USH2A: variants seen among roughly 807,000 people sequenced by gnomAD.
USH2A encodes usherin, also known as Usher syndrome 2A (autosomal recessive, mild).
In USH2A, 443 loss-of-function variants were observed where a neutral mutation model predicts 538.9. The observed-to-expected ratio is 0.82, with a 90% CI of 0.76 to 0.89. The LOEUF is 0.89. Among genes scored for constraint, USH2A ranks in the 40% least tolerant of loss-of-function variants. The pLI, the probability that USH2A is intolerant of heterozygous loss-of-function variation, is 0.00. For missense variants in USH2A, 6,633 were observed against 6,324.8 expected (o/e 1.05, Z -1.65); for synonymous variants, 2,413 against 2,273.5 (o/e 1.06, Z -1.75).
intron 13 of USH2A, among the ~76,000 whole-genome samples, chr1:216,237,511 A>G (rs564971339): frequency 2.4e-4 from 36 of 151,580 alleles, no homozygotes; most frequent in East Asian, 1.4e-3. Context: ...AAAAAAAAAA[A>G]AAAGAAAGAA....
At chr1:215,746,278 T>C (rs542058446) in intron 58 of USH2A, among the ~76,000 whole-genome samples, 19 of 152,266 alleles carry the variant, frequency 1.2e-4, no homozygotes, top group African/African-American at 4.6e-4. Flanking sequence ...TGTGTGTGTG[T>C]GCCCTGTAAC....
chr1:216,101,862 A>T (rs958838591), intron 21 of USH2A, among the ~76,000 whole-genome samples: 2 of 152,248 alleles, frequency 1.3e-5, no homozygotes, highest in African/African-American at 2.4e-5. Context: ...TGTGTAAAAT[A>T]AACTTACATC....
chr1:216,309,912 A>G (rs2037388446), intron 9 of USH2A, among the ~76,000 whole-genome samples: 1 of 152,110 alleles, frequency 6.6e-6, no homozygotes, highest in Non-Finnish European at 1.5e-5. Flanking sequence ...GTTCTGATAT[A>G]TAATTATTTT....
chr1:215,900,864 G>A lies in USH2A; in HGVS notation c.7342C>T (p.Pro2448Ser). The A allele has an allele frequency of 6.2e-7, 1 of 1,613,722 alleles. No homozygotes were observed. Among genetic ancestry groups the A allele is most frequent in the Non-Finnish European group, 8.5e-7 (1 of 1,179,760 alleles). The change falls in exon 39 of 72, where the codon CCA (proline) becomes TCA (serine). Residue 2448 changes from proline (P) to serine (S), a missense_variant. By Grantham distance (74) the Pro-to-Ser change is moderately conservative. Transcript: ENST00000307340. ...VLPPRLSSAT[P>S]TSLQVVWSTP... ...GACCAGACAACCTGAAGACTGGTTGGAGTGGCAGATGAAAGCCTGGGAGGC... is the reference window on the plus strand; with the variant it reads ...GACCAGACAACCTGAAGACTGGTTGAAGTGGCAGATGAAAGCCTGGGAGGC...
At chr1:216,119,986 G>GC (rs1553303882) in intron 21 of USH2A, among the ~76,000 whole-genome samples, 1 of 149,864 alleles carries the variant, frequency 6.7e-6, no homozygotes, top group African/African-American at 2.4e-5. Flanking sequence ...ATATTCACTT[G>GC]TTTTTTTTTA....
chr1:215,870,681 T>C (rs1398072458), intron 43 of USH2A, among the ~76,000 whole-genome samples: 1 of 152,118 alleles, frequency 6.6e-6, no homozygotes, highest in Non-Finnish European at 1.5e-5. Context: ...TTAGTAAGAA[T>C]ATATACCTAT....
rs1183056121 is a variant in USH2A at position 215,675,471 on chromosome 1, G to A, written c.12440C>T (p.Pro4147Leu). 1 of 1,614,106 alleles carries A rather than the reference G, an allele frequency of 6.2e-7. No homozygotes were observed. The highest frequency in any genetic ancestry group is 8.5e-7 in the Non-Finnish European group (1 of 1,180,000). The part of the protein sequence containing the change: ...RAGCAHSAPQ[P>L]LWTDEAPPDS... The stretch of plus-strand genomic sequence containing the variant: ...TGGAGGGGCTTCATCTGTCCACAGA[G>A]GCTGAGGCGCCGAGTGTGCACAACC... Residue 4147 changes from proline to leucine, a missense_variant, in exon 63 of 72, where the codon CCT (proline) becomes CTT (leucine). Pro to Leu is a moderately conservative substitution (Grantham distance 98). Coordinates refer to ENST00000307340, the MANE Select transcript of USH2A (RefSeq NM_206933.4).
At chr1:216,201,952 A>G in intron 16 of USH2A, 1 of 152,756 alleles carries the variant, frequency 6.5e-6, no homozygotes, top group Admixed American at 6.5e-5. Flanking sequence ...AAAGTCCCCT[A>G]GGGCTGAGAT....
intron 21 of USH2A, among the ~76,000 whole-genome samples, chr1:216,159,711 TAA>T (rs970295410): frequency 6.6e-6 from 1 of 152,154 alleles, no homozygotes; most frequent in African/African-American, 2.4e-5. Flanking sequence ...CTATTTTCTG[TAA>T]GAGTTTTTTT....
intron 61 of USH2A, among the ~76,000 whole-genome samples, chr1:215,725,829 C>T (rs1659800769): frequency 6.6e-6 from 1 of 152,148 alleles, no homozygotes; most frequent in Non-Finnish European, 1.5e-5. Context: ...ATACACTTGC[C>T]TCTTTTCAGA....
intron 55 of USH2A, among the ~76,000 whole-genome samples, chr1:215,767,758 A>C (rs1251443805): frequency 6.6e-6 from 1 of 152,198 alleles, no homozygotes; most frequent in African/African-American, 2.4e-5. Flanking sequence ...AGCAGACAAG[A>C]GAAGATGAAA....
At chr1:215,824,868 T>C (rs2102803695) in intron 47 of USH2A, among the ~76,000 whole-genome samples, 1 of 152,314 alleles carries the variant, frequency 6.6e-6, no homozygotes, top group Middle Eastern at 3.4e-3. Context: ...ATGGGCATTG[T>C]GGATATGAAA....
At chr1:215,943,470 GAAGAT>G (rs1666686651) in intron 37 of USH2A, among the ~76,000 whole-genome samples, 1 of 152,162 alleles carries the variant, frequency 6.6e-6, no homozygotes, top group South Asian at 2.1e-4. Flanking sequence ...CAATCAGGGA[GAAGAT>G]AATAGGTATG....
chr1:216,091,079 T>C (rs1255197243), intron 22 of USH2A, among the ~76,000 whole-genome samples: 1 of 152,194 alleles, frequency 6.6e-6, no homozygotes, highest in African/African-American at 2.4e-5. Flanking sequence ...AAACTCACTT[T>C]ATACTTACAG....
In USH2A at chr1:215,966,505, T is replaced by C. The variant is rs531879709; in HGVS notation, c.6958-1026A>G. Among the ~76,000 whole-genome samples the C allele has an allele frequency of 3.3e-5, 5 of 152,278 alleles. No homozygotes were observed. The East Asian group carries it at 9.6e-4, about 29-fold the overall frequency. ...GAAATATTATCAATTAGAAAACCTT[T>C]ATTTGTTAGGGTGATTATACCTTAT... On this transcript the variant is annotated intron_variant, in intron 36 of 71. Transcript: ENST00000307340.
At chr1:216,126,159 T>G (rs1407550045) in intron 21 of USH2A, among the ~76,000 whole-genome samples, 1 of 152,158 alleles carries the variant, frequency 6.6e-6, no homozygotes, top group African/African-American at 2.4e-5. Context: ...TAAATGCACA[T>G]GAAACAATTG....
intron 3 of USH2A, among the ~76,000 whole-genome samples, chr1:216,370,702 A>AAAAAAAAAAAAAAAC (rs397973329): frequency 3.3e-5 from 5 of 150,144 alleles, no homozygotes; most frequent in Admixed American, 6.6e-5. Flanking sequence ...AAAAAAAAAA[A>AAAAAAAAAAAAAAAC]TACTCAAGGT....
chr1:215,843,209 G>A (rs540185876), intron 46 of USH2A, among the ~76,000 whole-genome samples: 21 of 152,190 alleles, frequency 1.4e-4, no homozygotes, highest in African/African-American at 4.1e-4. Context: ...AGTTTCTGTG[G>A]TCATATAAAA....
At chr1:216,107,684 TTC>T (rs1491510166) in intron 21 of USH2A, among the ~76,000 whole-genome samples, 1 of 121,500 alleles carries the variant, frequency 8.2e-6, no homozygotes. Context: ...TACTTTCTTC[TTC>T]TTTTTTTTTT....
Sources: gnomAD v4.1 joint callset for allele counts (sites outside exome capture counted in the v4.1 genomes callset) on GRCh38, gnomAD v4.1.1 for gene constraint, MANE v1.5 for transcripts, NCBI Gene and HGNC (gene_info 2026-07-23, HGNC 2026-07-21) for gene names.